SMYD4: variants seen among roughly 807,000 people sequenced by gnomAD.
SMYD4 encodes the protein protein-lysine N-methyltransferase SMYD4.
A neutral mutation model predicts 72.8 loss-of-function variants in SMYD4; 68 were observed. The ratio of observed to expected loss-of-function variants is 0.93; its 90% CI spans 0.77 to 1.14. The LOEUF is 1.14. Ranked by LOEUF, SMYD4 falls within the 50% of genes most tolerant of loss-of-function variation. SMYD4 has a pLI of 0.00. For synonymous variants in SMYD4, 407 were observed against 388.6 expected (o/e 1.05, Z -0.56); for missense variants, 984 against 1,003.7 (o/e 0.98, Z 0.27).
intron 5 of SMYD4, among the ~76,000 whole-genome samples, chr17:1,788,886 C>T (rs1454802600): frequency 1.3e-5 from 2 of 152,134 alleles, no homozygotes; most frequent in Non-Finnish European, 2.9e-5. Flanking sequence ...GGAGTATGTA[C>T]AGTAAAGATA....
intron 5 of SMYD4, among the ~76,000 whole-genome samples, chr17:1,788,719 A>G (rs191258329): frequency 1.3e-5 from 2 of 152,090 alleles, no homozygotes; most frequent in East Asian, 3.9e-4. Flanking sequence ...TCCAGCCTAG[A>G]CAACAAGAGT....
chr17:1,815,280 T>C (rs925144750), intron 2 of SMYD4, among the ~76,000 whole-genome samples: 2 of 152,062 alleles, frequency 1.3e-5, no homozygotes, highest in African/African-American at 4.8e-5. Context: ...ATCAGGCAGG[T>C]CTCCAACTCC....
intron 5 of SMYD4, among the ~76,000 whole-genome samples, chr17:1,793,832 T>A (rs979817166): frequency 3.3e-5 from 5 of 150,628 alleles, no homozygotes; most frequent in African/African-American, 1.2e-4. Context: ...GTGCAGTGTT[T>A]TTTTTTTGAG....
Position 1,817,919 on chromosome 17 carries a change from T to C in SMYD4, c.135-5804A>G, listed in dbSNP as rs1024410805. On this transcript the variant is annotated intron_variant, in intron 2 of 10. Coordinates refer to ENST00000305513, the MANE Select transcript of SMYD4 (RefSeq NM_052928.3). ...AAAATTAGCCAGGCGTGGTGGCGGG[T>C]GCCTGTAGTCCCAGCTACTCGGGAG... Among the ~76,000 whole-genome samples the C allele has an allele frequency of 2.3e-3, 343 of 151,566 alleles. 2 individuals are homozygous for C. Among genetic ancestry groups the C allele is most frequent in the African/African-American group, 6.7e-3 (277 of 41,340 alleles).
intron 5 of SMYD4, among the ~76,000 whole-genome samples, chr17:1,791,782 G>T (rs1909041947): frequency 6.6e-6 from 1 of 152,146 alleles, no homozygotes. Flanking sequence ...AGCACTTTGG[G>T]AGGCAGAGGT....
intron 3 of SMYD4, among the ~76,000 whole-genome samples, chr17:1,806,397 AT>A (rs1286861232): frequency 1.3e-5 from 2 of 152,216 alleles, no homozygotes; most frequent in African/African-American, 4.8e-5. Context: ...ACTGGAAAAA[AT>A]ATCTGCAATT....
rs993690752 is a variant in SMYD4, at chr17:1,790,034, G to T, written c.1538-2430C>A. On this transcript the variant is annotated intron_variant, in intron 5 of 10. Transcript: ENST00000305513. ...CCCACCTTCTGGTATATGTGCTAAT[G>T]AGCAGTGAAAATGCTAAAAGGCAGG... Among the ~76,000 whole-genome samples the T allele has an allele frequency of 3.3e-5, 5 of 152,164 alleles. No homozygotes were observed. The South Asian group carries it at 1.0e-3, about 32-fold the overall frequency.
chr17:1,793,924 G>A (rs571192456), intron 5 of SMYD4, among the ~76,000 whole-genome samples: 231 of 145,556 alleles, frequency 1.6e-3, no homozygotes, highest in Middle Eastern at 7.1e-3. Context: ...AGATTCAAGC[G>A]ATTCTCCTGC....
At chr17:1,802,095 C>G (rs1909797928) in intron 4 of SMYD4, among the ~76,000 whole-genome samples, 1 of 152,176 alleles carries the variant, frequency 6.6e-6, no homozygotes, top group Admixed American at 6.5e-5. Context: ...ATAATAATAT[C>G]TCCCAGTGTT....
chr17:1,787,074 T>A, intron 6 of SMYD4, 101 bp from the exon 7 acceptor site: 1 of 1,411,264 alleles, frequency 7.1e-7, no homozygotes, highest in South Asian at 1.3e-5. Flanking sequence ...TTACCTATCA[T>A]GTGACAGCTA....
intron 2 of SMYD4, among the ~76,000 whole-genome samples, chr17:1,816,862 T>C (rs1910627782): frequency 6.6e-6 from 1 of 152,000 alleles, no homozygotes; most frequent in South Asian, 2.1e-4. Flanking sequence ...TATTTGTGTA[T>C]CTTCTTTGGA....
chr17:1,817,400 T>A (rs1047254609), intron 2 of SMYD4, among the ~76,000 whole-genome samples: 2 of 152,088 alleles, frequency 1.3e-5, no homozygotes, highest in African/African-American at 4.8e-5. Flanking sequence ...GTAGTTGGCT[T>A]GGTCATGGCT....
intron 1 of SMYD4, among the ~76,000 whole-genome samples, chr17:1,828,822 C>T (rs191771294): frequency 5.1e-4 from 77 of 152,228 alleles, no homozygotes; most frequent in Non-Finnish European, 9.4e-4. Context: ...GTCTCGAACT[C>T]CTGACCTCAG....
At position 1,804,715 on chromosome 17, in the gene SMYD4, C is replaced by G; in HGVS notation, c.280G>C (p.Gly94Arg). Residue 94 changes from glycine (G) to arginine (R), a missense_variant and splice_region_variant, in exon 4 of 11, where the codon GGA becomes CGA. Gly to Arg is a moderately radical substitution (Grantham distance 125). Coordinates refer to ENST00000305513, the MANE Select transcript of SMYD4 (RefSeq NM_052928.3). ...GTGTTAGGCCTTGAATGTGACACTC[C>G]CTGCAAAACAATGAACTGGTTAAAA... is the stretch of plus-strand genomic sequence containing the variant. Reference protein sequence around the residue: ...YTGAAVLYSKGVSHSRPNTED... With the variant: ...YTGAAVLYSKRVSHSRPNTED... 6.2e-7 allele frequency: 1 copy of G among 1,612,884 alleles called. No homozygotes were observed. The highest frequency in any genetic ancestry group is 1.7e-5 in the Admixed American group (1 of 59,964).
intron 10 of SMYD4, chr17:1,782,292 T>G (rs1908406058): frequency 6.6e-6 from 1 of 151,968 alleles, no homozygotes; most frequent in Non-Finnish European, 1.5e-5. Context: ...GGCACTGTCT[T>G]GTACCCGGGA....
intron 2 of SMYD4, among the ~76,000 whole-genome samples, chr17:1,819,916 T>G (rs1018220467): frequency 6.6e-6 from 1 of 152,148 alleles, no homozygotes; most frequent in Non-Finnish European, 1.5e-5. Flanking sequence ...GCCTCCCAAG[T>G]ACCTGGGATT....
At chr17:1,818,319 T>C (rs9914094) in intron 2 of SMYD4, among the ~76,000 whole-genome samples, 1 of 151,952 alleles carries the variant, frequency 6.6e-6, no homozygotes, top group Non-Finnish European at 1.5e-5. Context: ...ATTACTGAGA[T>C]TGGACATAAT....
intron 2 of SMYD4, among the ~76,000 whole-genome samples, chr17:1,826,518 A>ATG: frequency 7.3e-6 from 1 of 137,076 alleles, no homozygotes; most frequent in Non-Finnish European, 1.6e-5. Flanking sequence ...AAAAAAAAAA[A>ATG]GAAAAGAAAA....
chr17:1,782,782 TTTG>T, intron 10 of SMYD4: 1 of 237,350 alleles, frequency 4.2e-6, no homozygotes, highest in Non-Finnish European at 7.9e-6. Context: ...TTTTTTTTTT[TTTG>T]AGATGGAGTC....
Sources: allele counts gnomAD v4.1 joint callset (sites outside exome capture counted in the v4.1 genomes callset), GRCh38; gene constraint gnomAD v4.1.1; transcripts MANE v1.5; gene names NCBI Gene and HGNC (gene_info 2026-07-23, HGNC 2026-07-21).